The following TAOK3 variants were observed in gnomAD, a reference collection of about 807,000 sequenced individuals.
TAOK3 encodes TAO kinase 3.
Under a neutral mutation model 120.4 loss-of-function variants are expected in TAOK3, and 40 were observed. The ratio of observed to expected loss-of-function variants is 0.33; its 90% CI spans 0.26 to 0.43. TAOK3 has a LOEUF of 0.43. TAOK3 is among the 20% of genes least tolerant of loss of function. The pLI, the probability that TAOK3 is intolerant of heterozygous loss-of-function variation, is 1.00. For missense variants in TAOK3, 821 were observed against 1,112.1 expected, an observed-to-expected ratio of 0.74 and a Z score of 3.72; for synonymous variants, 355 against 387.5, an observed-to-expected ratio of 0.92 and a Z score of 0.99.
chr12:118,314,960 T>C (rs1230921308), intron 1 of TAOK3, among the ~76,000 whole-genome samples: 4 of 152,008 alleles, frequency 2.6e-5, no homozygotes, highest in Non-Finnish European at 4.4e-5. Context: ...TCTCACTCTA[T>C]GGCCCCGGCT....
chr12:118,274,223 G>A (rs947780281), intron 1 of TAOK3, among the ~76,000 whole-genome samples: 3 of 152,150 alleles, frequency 2.0e-5, no homozygotes, highest in Non-Finnish European at 4.4e-5. Flanking sequence ...TAAGAGAACT[G>A]CTTTTAAGGT....
chr12:118,158,235 T>G (rs1003282464), intron 19 of TAOK3, among the ~76,000 whole-genome samples: 4 of 152,222 alleles, frequency 2.6e-5, no homozygotes, highest in Non-Finnish European at 5.9e-5. Context: ...AATGTTGATG[T>G]CTACCAGACT....
intron 1 of TAOK3, among the ~76,000 whole-genome samples, chr12:118,313,542 G>A (rs1593505580): frequency 6.6e-6 from 1 of 152,314 alleles, no homozygotes; most frequent in Non-Finnish European, 1.5e-5. Flanking sequence ...CTCCCAAAAT[G>A]CTAAGATTAC....
At chr12:118,252,834 C>G (rs1296529276) in intron 3 of TAOK3, among the ~76,000 whole-genome samples, 1 of 151,944 alleles carries the variant, frequency 6.6e-6, no homozygotes, top group Admixed American at 6.6e-5. Flanking sequence ...ATTCTCCTGC[C>G]TCAGCCTCCC....
At chr12:118,277,529 C>T (rs1314459242) in intron 1 of TAOK3, among the ~76,000 whole-genome samples, 4 of 151,652 alleles carry the variant, frequency 2.6e-5, no homozygotes, top group East Asian at 1.9e-4. Flanking sequence ...GGCATGATCT[C>T]GGCTCACTGC....
At chr12:118,330,762 C>CAAA (rs79525282) in intron 1 of TAOK3, among the ~76,000 whole-genome samples, 2 of 106,204 alleles carry the variant, frequency 1.9e-5, no homozygotes, top group East Asian at 2.4e-4. Flanking sequence ...AAGAGGAGGA[C>CAAA]AAAAAAAAAA....
chr12:118,168,172 C>G (rs977951383), intron 17 of TAOK3, among the ~76,000 whole-genome samples: 1 of 151,978 alleles, frequency 6.6e-6, no homozygotes, highest in South Asian at 2.1e-4. Flanking sequence ...ATGGGATTGT[C>G]GAAAAGGTGA....
intron 1 of TAOK3, among the ~76,000 whole-genome samples, chr12:118,330,915 T>A (rs1187948670): frequency 6.6e-6 from 1 of 152,196 alleles, no homozygotes; most frequent in Non-Finnish European, 1.5e-5. Flanking sequence ...ATGTGGGACA[T>A]CTGTTTCCTT....
intron 17 of TAOK3, among the ~76,000 whole-genome samples, chr12:118,162,571 G>A (rs1258107828): frequency 6.6e-6 from 1 of 152,088 alleles, no homozygotes; most frequent in East Asian, 1.9e-4. Context: ...TATCTGCAAT[G>A]TTCTTAGCTT....
At chr12:118,179,836 C>CGG (rs1256781097) in intron 15 of TAOK3, among the ~76,000 whole-genome samples, 5 of 150,678 alleles carry the variant, frequency 3.3e-5, no homozygotes, top group Admixed American at 6.6e-5. Context: ...AGTAGAGATA[C>CGG]GGTTTCACCA....
At chr12:118,289,877 C>T (rs1335018486) in intron 1 of TAOK3, among the ~76,000 whole-genome samples, 1 of 151,896 alleles carries the variant, frequency 6.6e-6, no homozygotes, top group Non-Finnish European at 1.5e-5. Flanking sequence ...CGCCTGTAAT[C>T]CCAGCTCCTT....
At chr12:118,367,767 C>G (rs2045779854) in intron 1 of TAOK3, among the ~76,000 whole-genome samples, 1 of 151,088 alleles carries the variant, frequency 6.6e-6, no homozygotes, top group Admixed American at 6.6e-5. Flanking sequence ...TCTCTCCCTT[C>G]TATTTTTTTT....
chr12:118,292,375 T>A (rs2042517555), intron 1 of TAOK3, among the ~76,000 whole-genome samples: 1 of 152,226 alleles, frequency 6.6e-6, no homozygotes, highest in Non-Finnish European at 1.5e-5. Context: ...CTTAGACTAT[T>A]ACAGGCACTG....
chr12:118,271,173 A>G (rs1260997340), intron 1 of TAOK3, among the ~76,000 whole-genome samples: 1 of 152,170 alleles, frequency 6.6e-6, no homozygotes, highest in East Asian at 1.9e-4. Context: ...TTCACCTATC[A>G]TACACTCTGC....
At position 118,327,846 on chromosome 12, in the gene TAOK3, TGAAA is replaced by T. The variant is rs558462820; in HGVS notation, c.-194+44798_-194+44801del. 3.2e-4 allele frequency among the ~76,000 whole-genome samples: 48 copies of T among 152,288 alleles called. 1 individual carries two copies. The highest frequency in any genetic ancestry group is 6.8e-3 in the Middle Eastern group (2 of 294). On this transcript the variant is annotated intron_variant, in intron 1 of 20. Coordinates refer to ENST00000392533, the MANE Select transcript of TAOK3 (RefSeq NM_016281.4). The stretch of plus-strand genomic sequence containing the variant: ...CAATTAATTTTAGACCCATTTTGAC[TGAAA>T]GAGTGACACTATTATATAAAACTGA...
At chr12:118,155,839 T>G (rs912293936) in intron 19 of TAOK3, among the ~76,000 whole-genome samples, 2 of 151,990 alleles carry the variant, frequency 1.3e-5, no homozygotes, top group African/African-American at 4.8e-5. Flanking sequence ...TGGGCTTGAG[T>G]GATCCTCCTG....
At chr12:118,275,872 A>G (rs2041884068) in intron 1 of TAOK3, among the ~76,000 whole-genome samples, 1 of 152,196 alleles carries the variant, frequency 6.6e-6, no homozygotes, top group South Asian at 2.1e-4. Context: ...CTGAAAGATG[A>G]AGGAAGTGAA....
Position 118,268,981 on chromosome 12 carries a change from C to T in TAOK3, c.-193-2222G>A, listed in dbSNP as rs561864892. 1.7e-3 allele frequency among the ~76,000 whole-genome samples: 260 copies of T among 151,950 alleles called. 2 individuals carry two copies. The highest frequency in any genetic ancestry group is 5.7e-3 in the African/African-American group (237 of 41,466). On this transcript the variant is annotated intron_variant, in intron 1 of 20. Transcript: ENST00000392533. ...CGAGATCATGCCATTGCACTCCGGC[C>T]TGGCAACAAGAGCAAAACTCTGTCT...
chr12:118,328,071 T>G (rs529940841), intron 1 of TAOK3, among the ~76,000 whole-genome samples: 11 of 152,032 alleles, frequency 7.2e-5, no homozygotes, highest in Admixed American at 5.2e-4. Context: ...TTTTTTTTTT[T>G]GAGACAGAAT....
Sources: allele counts gnomAD v4.1 joint callset (sites outside exome capture counted in the v4.1 genomes callset), GRCh38; gene constraint gnomAD v4.1.1; transcripts MANE v1.5; gene names NCBI Gene and HGNC (gene_info 2026-07-23, HGNC 2026-07-21).